The following TNNT3 variants were observed in gnomAD, a reference collection of about 807,000 sequenced individuals.
The protein encoded by TNNT3 is troponin T, fast skeletal muscle.
A neutral mutation model predicts 54.2 loss-of-function variants in TNNT3; 36 were observed. The ratio of observed to expected loss-of-function variants is 0.66; its 90% CI spans 0.51 to 0.88. The LOEUF is 0.88. Ranked by LOEUF, TNNT3 falls within the 40% of genes least tolerant of loss-of-function variation. TNNT3 has a pLI of 0.00. For missense variants in TNNT3, 291 were observed against 331.6 expected (o/e 0.88, Z 0.95); for synonymous variants, 120 against 109.7 (o/e 1.09, Z -0.59).
At chr11:1,935,154 G>A (rs767986891) in intron 14 of TNNT3, 2 of 599,078 alleles carry the variant, frequency 3.3e-6, no homozygotes, top group East Asian at 5.7e-5. Flanking sequence ...GATGAACCTG[G>A]CCCCTTTGGG....
intron 15 of TNNT3, among the ~76,000 whole-genome samples, chr11:1,937,912 G>A (rs1489996270): frequency 6.6e-6 from 1 of 152,190 alleles, no homozygotes; most frequent in Non-Finnish European, 1.5e-5. Flanking sequence ...CCAGCCAGGT[G>A]TCCTGCTGAG....
intron 11 of TNNT3, 102 bp from the exon 12 acceptor site, chr11:1,934,230 C>G: frequency 8.6e-7 from 1 of 1,167,066 alleles, no homozygotes; most frequent in Non-Finnish European, 1.3e-6. Context: ...CCAGGGTGGG[C>G]CCTTCCAGAC....
chr11:1,924,694 C>T (rs1423504398), intron 4 of TNNT3, among the ~76,000 whole-genome samples: 1 of 152,188 alleles, frequency 6.6e-6, no homozygotes, highest in Admixed American at 6.5e-5. Flanking sequence ...TTTCCGGGTG[C>T]ACTCAGAGCC....
chr11:1,929,820 G>C lies in TNNT3; in HGVS notation c.117G>C (p.Pro39=). ...TGCTGTGTGGACCAGAGGAGAAACC[G>C]AGACCCAAGTGAGTGTGGGGTCCTG... ...TAEEDAEEEK[P]RPKLTAPKIP... Residue 39 remains proline, a synonymous_variant, in exon 8 of 16, where the codon CCG becomes CCC. Coordinates refer to ENST00000278317, the MANE Select transcript of TNNT3 (RefSeq NM_006757.4). 6.4e-7 allele frequency: 1 copy of C among 1,551,180 alleles called. No homozygotes were observed. Among genetic ancestry groups the C allele is most frequent in the Non-Finnish European group, 8.7e-7 (1 of 1,147,104 alleles).
chr11:1,924,743 T>A (rs1851031532), intron 4 of TNNT3, among the ~76,000 whole-genome samples: 1 of 152,270 alleles, frequency 6.6e-6, no homozygotes, highest in Non-Finnish European at 1.5e-5. Context: ...GTCCCCGTTC[T>A]CACTTGTGTC....
At chr11:1,936,860 G>T in intron 14 of TNNT3, 103 bp from the exon 15 acceptor site, 1 of 1,241,544 alleles carries the variant, frequency 8.1e-7, no homozygotes, top group Non-Finnish European at 1.1e-6. Context: ...AGCAGCCCTG[G>T]GTCGCGCAGC....
intron 8 of TNNT3, among the ~76,000 whole-genome samples, chr11:1,930,636 C>A (rs972829351): frequency 6.6e-6 from 1 of 152,138 alleles, no homozygotes; most frequent in African/African-American, 2.4e-5. Flanking sequence ...TTGCTCTGTG[C>A]GAAGTGGAAT....
chr11:1,932,875 G>C (rs371162067), intron 9 of TNNT3, among the ~76,000 whole-genome samples: 2 of 50,898 alleles, frequency 3.9e-5, no homozygotes, highest in African/African-American at 1.5e-4. Context: ...CATCCATCCT[G>C]CCTTACTTCC....
At chr11:1,923,922 G>A (rs1045819189) in intron 4 of TNNT3, among the ~76,000 whole-genome samples, 6 of 149,130 alleles carry the variant, frequency 4.0e-5, no homozygotes, top group African/African-American at 1.0e-4. Context: ...TCAAAACACC[G>A]AGTGCCCTGC....
Position 1,929,135 on chromosome 11 carries a change from A to T in TNNT3, c.98A>T (p.Asp33Val), listed in dbSNP as rs1242933131. Reference sequence around the variant, plus strand: ...CACCTGGAAGACACCGCAGAGGAGGACGCGGAAGGTAAGGGCCCGTCCCTG... The same window carrying T: ...CACCTGGAAGACACCGCAGAGGAGGTCGCGGAAGGTAAGGGCCCGTCCCTG... ...EEVQEDTAEE[D>V]AEEEKPRPKL... Residue 33 changes from aspartate (D) to valine (V), a missense_variant, in exon 7 of 16, where the codon GAC becomes GTC. Asp to Val is a radical substitution (Grantham distance 152). Transcript: ENST00000278317. The T allele has an allele frequency of 1.2e-6, 2 of 1,613,062 alleles. No individual in the cohort carries two copies. The highest frequency in any genetic ancestry group is 1.1e-5 in the South Asian group (1 of 91,078).
At chr11:1,926,564 G>A (rs376022331) in intron 5 of TNNT3, 131 bp from the exon 6 acceptor site, 8 of 1,609,072 alleles carry the variant, frequency 5.0e-6, no homozygotes, top group Admixed American at 1.7e-5. Flanking sequence ...GAGGGGCCGC[G>A]TAACCCTGCA....
intron 6 of TNNT3, among the ~76,000 whole-genome samples, chr11:1,928,386 G>C (rs946526829): frequency 2.6e-5 from 4 of 152,196 alleles, no homozygotes; most frequent in Non-Finnish European, 4.4e-5. Context: ...AGGCCAGGCA[G>C]ACCCCAGAGG....
At chr11:1,928,198 C>T (rs907958036) in intron 6 of TNNT3, among the ~76,000 whole-genome samples, 1 of 152,250 alleles carries the variant, frequency 6.6e-6, no homozygotes, top group African/African-American at 2.4e-5. Flanking sequence ...TGTCAACGGC[C>T]TTGCTGCCAC....
At chr11:1,927,884 G>C (rs1351723066) in intron 6 of TNNT3, 1 of 152,332 alleles carries the variant, frequency 6.6e-6, no homozygotes, top group South Asian at 2.1e-4. Context: ...TGTTCCTTCC[G>C]GGCCCTTGGC....
Position 1,926,729 on chromosome 11 carries a change from C to T in TNNT3, c.82+20C>T. On this transcript the variant is annotated intron_variant, in intron 6 of 15. Coordinates refer to ENST00000278317, the MANE Select transcript of TNNT3 (RefSeq NM_006757.4). ...AAGAAGGTACGCCGGCGCTCCCCCG[C>T]CTCCAGGCCAGAGTCTCCGTCCTCC... 4 of 1,613,282 alleles carry T rather than the reference C, an allele frequency of 2.5e-6. No homozygotes were observed. Among genetic ancestry groups the T allele is most frequent in the Non-Finnish European group, 3.4e-6 (4 of 1,180,036 alleles).
chr11:1,926,738 C>G (rs191557897), intron 6 of TNNT3, 29 bp downstream of exon 6: 2 of 1,613,140 alleles, frequency 1.2e-6, no homozygotes, highest in African/African-American at 2.7e-5. Context: ...GCCTCCAGGC[C>G]AGAGTCTCCG....
At position 1,926,559 on chromosome 11, in the gene TNNT3, G is replaced by A. The variant is rs6578952; in HGVS notation, c.68-136G>A. On this transcript the variant is annotated intron_variant, in intron 5 of 15. Coordinates refer to ENST00000278317, the MANE Select transcript of TNNT3 (RefSeq NM_006757.4). ...CAGGACCCAAGAAGGAACAAGAGGG[G>A]CCGCGTAACCCTGCACAGCCTGGCC... 0.23 allele frequency: 372,471 copies of A among 1,608,962 alleles called. 44,503 individuals carry two copies. Among genetic ancestry groups the A allele is most frequent in the Middle Eastern group, 0.27 (1,637 of 6,056 alleles).
chr11:1,919,988 C>T (rs566707491), intron 1 of TNNT3, among the ~76,000 whole-genome samples: 1 of 152,246 alleles, frequency 6.6e-6, no homozygotes, highest in East Asian at 1.9e-4. Flanking sequence ...GGTCTCAGCA[C>T]CGGGAGGATG....
intron 7 of TNNT3, 91 bp downstream of exon 7, chr11:1,929,234 G>GCCT: frequency 2.1e-6 from 3 of 1,442,432 alleles, no homozygotes; most frequent in East Asian, 2.3e-5. Context: ...TCGCTGCCCT[G>GCCT]CCTCCTCCTC....
Sources: allele counts gnomAD v4.1 joint callset (sites outside exome capture counted in the v4.1 genomes callset), GRCh38; gene constraint gnomAD v4.1.1; transcripts MANE v1.5; gene names NCBI Gene and HGNC (gene_info 2026-07-23, HGNC 2026-07-21).